SCN10A: variants seen among roughly 807,000 people sequenced by gnomAD.
SCN10A encodes the protein sodium voltage-gated channel alpha subunit 10, also known as sodium channel protein type 10 subunit alpha.
Under a neutral mutation model 170.7 loss-of-function variants are expected in SCN10A, and 162 were observed. The ratio of observed to expected loss-of-function variants is 0.95; its 90% confidence interval spans 0.84 to 1.08. The LOEUF (loss-of-function observed/expected upper bound fraction) is 1.08, where lower values mean the gene tolerates loss of function less well. SCN10A is among the 50% of genes least tolerant of loss of function. The pLI is 0.00. For missense variants in SCN10A, 2,527 were observed against 2,436.9 expected, an observed-to-expected ratio of 1.04 and a Z score of -0.78; for synonymous variants, 985 against 904.6, an observed-to-expected ratio of 1.09 and a Z score of -1.59.
At chr3:38,714,311 A>G (rs1272977411) in intron 21 of SCN10A, among the ~76,000 whole-genome samples, 1 of 152,234 alleles carries the variant, frequency 6.6e-6, no homozygotes, top group Non-Finnish European at 1.5e-5. Flanking sequence ...AGAAAAACTC[A>G]GTCTCTAACA....
Position 38,757,179 on chromosome 3 carries a change from G to T in SCN10A, c.951-20C>A. On this transcript the variant is annotated intron_variant, in intron 8 of 27. Transcript: ENST00000449082. ...CAGTGGCTGCAGCAAGAACAGAGAAGGTCATCCCCTGCTTATTGCAGACAA... is the reference window on the plus strand; with the variant it reads ...CAGTGGCTGCAGCAAGAACAGAGAATGTCATCCCCTGCTTATTGCAGACAA... The T allele has an allele frequency of 6.4e-7, 1 of 1,573,424 alleles. No individual in the cohort carries two copies. Among genetic ancestry groups the T allele is most frequent in the Non-Finnish European group, 8.6e-7 (1 of 1,161,870 alleles).
chr3:38,783,303 C>A (rs2064160748), intron 4 of SCN10A, among the ~76,000 whole-genome samples: 1 of 152,094 alleles, frequency 6.6e-6, no homozygotes, highest in South Asian at 2.1e-4. Flanking sequence ...CCAATTACAT[C>A]CTCCCTCTTC....
intron 25 of SCN10A, 31 bp downstream of exon 25, chr3:38,709,447 C>A: frequency 6.3e-7 from 1 of 1,585,058 alleles, no homozygotes; most frequent in Non-Finnish European, 8.6e-7. Flanking sequence ...ACCACTACAG[C>A]AGAAACCAGA....
intron 20 of SCN10A, among the ~76,000 whole-genome samples, chr3:38,721,983 T>C (rs2063394442): frequency 6.6e-6 from 1 of 152,202 alleles, no homozygotes; most frequent in Non-Finnish European, 1.5e-5. Flanking sequence ...ATTTTGAGTG[T>C]CAGTTTCCCC....
intron 23 of SCN10A, among the ~76,000 whole-genome samples, chr3:38,711,424 C>A (rs944164227): frequency 8.5e-5 from 13 of 152,220 alleles, no homozygotes; most frequent in South Asian, 2.1e-4. Context: ...TCTTACACTC[C>A]TAGGCCTGTT....
At chr3:38,805,518 C>T (rs994780937) in intron 1 of SCN10A, among the ~76,000 whole-genome samples, 24 of 152,112 alleles carry the variant, frequency 1.6e-4, no homozygotes, top group African/African-American at 5.8e-4. Flanking sequence ...TTTCATACAG[C>T]CAGTGATACT....
chr3:38,808,921 T>C (rs940553929), intron 1 of SCN10A, among the ~76,000 whole-genome samples: 2 of 152,238 alleles, frequency 1.3e-5, no homozygotes, highest in Non-Finnish European at 1.5e-5. Flanking sequence ...CTGGATGTTC[T>C]GCCAACTTGC....
intron 4 of SCN10A, among the ~76,000 whole-genome samples, chr3:38,783,992 T>C (rs2064169125): frequency 6.6e-6 from 1 of 152,146 alleles, no homozygotes; most frequent in Non-Finnish European, 1.5e-5. Flanking sequence ...TATGGCCATT[T>C]GGATTTCCAC....
Position 38,730,660 on chromosome 3 carries a change from T to C in SCN10A, c.2281-1759A>G, listed in dbSNP as rs1253588494. 3.3e-5 allele frequency among the ~76,000 whole-genome samples: 5 copies of C among 151,896 alleles called. No individual in the cohort carries two copies. In the East Asian group the frequency reaches 7.7e-4, roughly 23 times the overall value. On this transcript the variant is annotated intron_variant, in intron 15 of 27. Transcript: ENST00000449082. The stretch of plus-strand genomic sequence containing the variant: ...AACTATGTGCAGAGAATAAAAAAAC[T>C]ATAGATAACAATAACAAGTTGTGAA...
At chr3:38,722,179 T>G in intron 20 of SCN10A, 79 bp downstream of exon 20, 5 of 1,409,766 alleles carry the variant, frequency 3.5e-6, no homozygotes, top group Non-Finnish European at 4.9e-6. Context: ...GAGAACCCAC[T>G]GATGCAGCTC....
chr3:38,799,348 G>A (rs1044576935), intron 1 of SCN10A, among the ~76,000 whole-genome samples: 1 of 152,188 alleles, frequency 6.6e-6, no homozygotes, highest in African/African-American at 2.4e-5. Context: ...AGAGCCTTCA[G>A]AGAGGACTGT....
Position 38,726,892 on chromosome 3 carries a change from C to T in SCN10A, c.2801G>A (p.Arg934Lys). The T allele has an allele frequency of 6.2e-7, 1 of 1,614,204 alleles. No individual in the cohort carries two copies. Among genetic ancestry groups the T allele is most frequent in the Non-Finnish European group, 8.5e-7 (1 of 1,180,040 alleles). Residue 934 changes from arginine (R) to lysine (K), a missense_variant, in exon 17 of 28, where the codon AGG (arginine) becomes AAG (lysine). Transcript: ENST00000449082. The part of the protein sequence containing the change: ...TKQALCSFFS[R>K]SCPFPQPKAE... ...CTTGGGCTGGGGGAATGGGCAGGAC[C>T]TGCTGAAGAAGCTGCAAAGAGCCTG... is the stretch of plus-strand genomic sequence containing the variant.
intron 5 of SCN10A, among the ~76,000 whole-genome samples, chr3:38,765,668 G>A (rs534182984): frequency 6.6e-6 from 1 of 152,064 alleles, no homozygotes; most frequent in African/African-American, 2.4e-5. Flanking sequence ...CTCCAGATTT[G>A]TTATTCTTGC....
Position 38,709,592 on chromosome 3 carries a change from C to T in SCN10A, c.4167G>A (p.Glu1389=). The part of the protein sequence containing the change: ...SREVNMQPKW[E]DNVYMYLYFV... ...AGTACAAATACATGTACACGTTGTC[C>T]TCCCACTTGGGTTGCATGTTGACCT... The change falls in exon 25 of 28, where the codon GAG becomes GAA. Residue 1389 remains glutamate, a synonymous_variant. Transcript: ENST00000449082. The T allele has an allele frequency of 6.2e-7, 1 of 1,607,270 alleles. No individual in the cohort carries two copies. Among genetic ancestry groups the T allele is most frequent in the Non-Finnish European group, 8.5e-7 (1 of 1,176,856 alleles).
In SCN10A at chr3:38,761,172, A is replaced by G. The variant is rs987337485; in HGVS notation, c.883+20T>C. 1.2e-5 allele frequency: 19 copies of G among 1,564,008 alleles called. No homozygotes were observed. Among genetic ancestry groups the G allele is most frequent in the Non-Finnish European group, 1.5e-5 (17 of 1,142,446 alleles). On this transcript the variant is annotated intron_variant, in intron 7 of 27. Coordinates refer to ENST00000449082, the MANE Select transcript of SCN10A (RefSeq NM_006514.4). ...AGGGTCCAACCAGACCTTGGTCCCT[A>G]TGGAAGAGACTCCACTCACGTTTTC... is the stretch of plus-strand genomic sequence containing the variant.
At chr3:38,789,588 T>G (rs1477350081) in intron 3 of SCN10A, among the ~76,000 whole-genome samples, 1 of 152,054 alleles carries the variant, frequency 6.6e-6, no homozygotes, top group African/African-American at 2.4e-5. Context: ...GGTAACTTAG[T>G]TGAGATCAGT....
In SCN10A at chr3:38,783,490, A is replaced by C. The variant is rs573235194; in HGVS notation, c.470+5466T>G. Among the ~76,000 whole-genome samples the C allele has an allele frequency of 2.6e-5, 4 of 152,146 alleles. No individual in the cohort carries two copies. The South Asian group carries it at 8.3e-4, about 32-fold the overall frequency. The stretch of plus-strand genomic sequence containing the variant: ...CCTTTGCATTTGGCTTTTTTTGTTC[A>C]ATATTACTTTCTTAAGACTCATCCT... On this transcript the variant is annotated intron_variant, in intron 4 of 27. Coordinates refer to ENST00000449082, the MANE Select transcript of SCN10A (RefSeq NM_006514.4).
intron 26 of SCN10A, among the ~76,000 whole-genome samples, chr3:38,702,699 A>G (rs2063169172): frequency 6.6e-6 from 1 of 152,214 alleles, no homozygotes; most frequent in East Asian, 1.9e-4. Context: ...GCAAAGGGGA[A>G]ACTTATTCTT....
chr3:38,799,966 C>G (rs2064361806), intron 1 of SCN10A, among the ~76,000 whole-genome samples: 1 of 152,130 alleles, frequency 6.6e-6, no homozygotes, highest in South Asian at 2.1e-4. Flanking sequence ...CCTGGTCCAT[C>G]ATGGTCCAGG....
Sources: allele counts gnomAD v4.1 joint callset (sites outside exome capture counted in the v4.1 genomes callset), GRCh38; gene constraint gnomAD v4.1.1; transcripts MANE v1.5; gene names NCBI Gene and HGNC (gene_info 2026-07-23, HGNC 2026-07-21).